AKR1C8: variants seen among roughly 807,000 people sequenced by gnomAD.
AKR1C8 encodes the protein aldo-keto reductase family 1 member C8.
chr10:5,138,171 T>C, the AKR1C8 span, among the ~76,000 whole-genome samples: 1 of 151,992 alleles, frequency 6.6e-6, no homozygotes, highest in East Asian at 1.9e-4. Flanking sequence ...GAGTGGAGTT[T>C]TTCCACACCC....
the AKR1C8 span, among the ~76,000 whole-genome samples, chr10:5,136,289 C>T: frequency 3.3e-5 from 5 of 152,066 alleles, no homozygotes; most frequent in African/African-American, 9.7e-5. Flanking sequence ...GGCTCACACC[C>T]GTAATCCCAG....
the AKR1C8 span, among the ~76,000 whole-genome samples, chr10:5,169,252 G>A: frequency 5.3e-5 from 8 of 152,274 alleles, no homozygotes; most frequent in East Asian, 1.9e-4. Context: ...GTGTTTGTCC[G>A]AGATGATGGT....
the AKR1C8 span, among the ~76,000 whole-genome samples, chr10:5,167,067 A>C: frequency 6.6e-6 from 1 of 152,236 alleles, no homozygotes; most frequent in African/African-American, 2.4e-5. Context: ...AGAAATACAA[A>C]TCAAACCCAC....
At chr10:5,172,755 C>A in the AKR1C8 span, among the ~76,000 whole-genome samples, 1 of 152,028 alleles carries the variant, frequency 6.6e-6, no homozygotes. Context: ...CTGAAAGGTT[C>A]CACAGCCTTT....
the AKR1C8 span, chr10:5,185,117 T>TG: frequency 1.9e-6 from 1 of 534,650 alleles, no homozygotes; most frequent in Non-Finnish European, 3.8e-6. Context: ...CCAGCTAACC[T>TG]GTCTTTCCTC....
the AKR1C8 span, among the ~76,000 whole-genome samples, chr10:5,180,518 G>A: frequency 6.6e-6 from 1 of 152,138 alleles, no homozygotes; most frequent in African/African-American, 2.4e-5. Flanking sequence ...TGTCAGACAG[G>A]GACATTTAAG....
the AKR1C8 span, among the ~76,000 whole-genome samples, chr10:5,175,712 T>A: frequency 1.3e-5 from 2 of 152,240 alleles, no homozygotes; most frequent in Admixed American, 1.3e-4. Context: ...TGATTTGCAT[T>A]TCTCTGATGG....
the AKR1C8 span, among the ~76,000 whole-genome samples, chr10:5,131,830 T>C: frequency 1.3e-5 from 2 of 152,092 alleles, no homozygotes; most frequent in Admixed American, 6.6e-5. Flanking sequence ...GATCCATCAG[T>C]CCCACTACTG....
chr10:5,176,799 G>C, the AKR1C8 span, among the ~76,000 whole-genome samples: 1 of 152,122 alleles, frequency 6.6e-6, no homozygotes, highest in Non-Finnish European at 1.5e-5. Flanking sequence ...TGGTGTATAA[G>C]AATGCTTGTG....
the AKR1C8 span, among the ~76,000 whole-genome samples, chr10:5,150,939 A>G: frequency 6.6e-6 from 1 of 152,188 alleles, no homozygotes; most frequent in African/African-American, 2.4e-5. Flanking sequence ...AGAAGAACAG[A>G]GTTTTATTAC....
the AKR1C8 span, among the ~76,000 whole-genome samples, chr10:5,149,580 T>C: frequency 6.6e-6 from 1 of 152,120 alleles, no homozygotes. Context: ...TGTCATAAAA[T>C]GGCATTCTTT....
At chr10:5,134,405 C>T in the AKR1C8 span, among the ~76,000 whole-genome samples, 94 of 152,224 alleles carry the variant, frequency 6.2e-4, no homozygotes, top group Middle Eastern at 3.4e-3. Flanking sequence ...TTGGAATACA[C>T]GTTTTCTTCC....
chr10:5,145,140 TG>T, the AKR1C8 span, among the ~76,000 whole-genome samples: 13 of 152,184 alleles, frequency 8.5e-5, no homozygotes, highest in Non-Finnish European at 1.6e-4. Context: ...ATGTGGTTTT[TG>T]TCTTTGGCTC....
chr10:5,181,166 T>C, the AKR1C8 span, among the ~76,000 whole-genome samples: 143 of 152,206 alleles, frequency 9.4e-4, 2 homozygotes, highest in African/African-American at 3.2e-3. Flanking sequence ...GCTAATCTAC[T>C]TTAACAATAT....
the AKR1C8 span, chr10:5,158,475 C>T: frequency 1.6e-5 from 6 of 372,392 alleles, no homozygotes; most frequent in African/African-American, 4.3e-5. Context: ...CAAACTACAC[C>T]GTTGCTTTTC....
the AKR1C8 span, among the ~76,000 whole-genome samples, chr10:5,140,106 C>T: frequency 6.6e-6 from 1 of 152,150 alleles, no homozygotes; most frequent in Non-Finnish European, 1.5e-5. Context: ...GATACCATCT[C>T]ACACCAGTTA....
the AKR1C8 span, among the ~76,000 whole-genome samples, chr10:5,171,397 T>C: frequency 5.9e-5 from 9 of 152,144 alleles, no homozygotes; most frequent in South Asian, 6.2e-4. Context: ...CACTAAGATA[T>C]ATGGGAATTA....
At chr10:5,153,080 C>G in the AKR1C8 span, among the ~76,000 whole-genome samples, 15 of 152,136 alleles carry the variant, frequency 9.9e-5, no homozygotes, top group Non-Finnish European at 1.5e-5. Flanking sequence ...TTTCTAACAA[C>G]TACGTACTTA....
chr10:5,182,898 G>A, the AKR1C8 span, among the ~76,000 whole-genome samples: 3 of 149,698 alleles, frequency 2.0e-5, no homozygotes, highest in African/African-American at 7.4e-5. Flanking sequence ...CAGGAGAGCA[G>A]ACTCTGTCTC....
Sources: gnomAD v4.1 joint callset for allele counts (sites outside exome capture counted in the v4.1 genomes callset) on GRCh38, gnomAD v4.1.1 for gene constraint, MANE v1.5 for transcripts, NCBI Gene and HGNC (gene_info 2026-07-23, HGNC 2026-07-21) for gene names.